The following POLN variants were observed in gnomAD, a reference collection of about 807,000 sequenced individuals.
POLN encodes DNA polymerase N.
In POLN, 108 loss-of-function variants were observed where a neutral mutation model predicts 113.5. The observed-to-expected ratio is 0.95, with a 90% CI of 0.81 to 1.12. The LOEUF (loss-of-function observed/expected upper bound fraction) is 1.12. Ranked by LOEUF, POLN falls within the 50% of genes most tolerant of loss-of-function variation. POLN has a pLI of 0.00. For synonymous variants in POLN, 386 were observed against 391.5 expected, an observed-to-expected ratio of 0.99 and a Z score of 0.17; for missense variants, 1,097 against 1,077.1, an observed-to-expected ratio of 1.02 and a Z score of -0.26.
intron 16 of POLN, among the ~76,000 whole-genome samples, chr4:2,155,952 A>G (rs1732412355): frequency 6.6e-6 from 1 of 151,844 alleles, no homozygotes; most frequent in East Asian, 1.9e-4. Flanking sequence ...TTCCTGCCTC[A>G]GCCTCCCTAG....
intron 3 of POLN, among the ~76,000 whole-genome samples, chr4:2,221,179 C>T (rs889913148): frequency 7.9e-5 from 12 of 151,830 alleles, no homozygotes; most frequent in Non-Finnish European, 1.5e-4. Context: ...ACTCTGTTAC[C>T]CAGGCTGGAG....
chr4:2,077,174 G>A (rs1730296520), intron 23 of POLN: 1 of 152,242 alleles, frequency 6.6e-6, no homozygotes, highest in East Asian at 1.9e-4. Context: ...GTGAGGGCTG[G>A]AGCAGCCACC....
At chr4:2,173,916 A>C in intron 11 of POLN, 39 bp downstream of exon 11, 1 of 1,567,418 alleles carries the variant, frequency 6.4e-7, no homozygotes, top group Non-Finnish European at 8.8e-7. Flanking sequence ...CATGCAGGAA[A>C]GAGATGGCCA....
rs1730531581 is a variant in POLN, at chr4:2,085,669, T to C, written c.2141A>G (p.Lys714Arg). ...GGCGAAGTCCTTGATTTTCTTGTAC[T>C]TCTGCAAAAAACTCTCCAAAAACTG... ...AAQFLESFLQ[K>R]YKKIKDFARA... The change falls in exon 21 of 26, where the codon AAG (lysine) becomes AGG (arginine). Residue 714 changes from lysine to arginine, a missense_variant. Coordinates refer to ENST00000511885, the MANE Select transcript of POLN (RefSeq NM_181808.4). 1 of 1,614,150 alleles carries C rather than the reference T, an allele frequency of 6.2e-7. No individual in the cohort carries two copies.
intron 21 of POLN, among the ~76,000 whole-genome samples, chr4:2,084,808 G>C (rs770064228): frequency 3.4e-4 from 51 of 152,236 alleles, no homozygotes; most frequent in Non-Finnish European, 7.1e-4. Context: ...CCCAGTGAGT[G>C]CTGAGTGCTG....
chr4:2,132,911 A>G (rs941816031), intron 16 of POLN, among the ~76,000 whole-genome samples: 4 of 152,214 alleles, frequency 2.6e-5, no homozygotes, highest in Non-Finnish European at 5.9e-5. Flanking sequence ...AGCAACAGAA[A>G]TGGTCAGTAT....
chr4:2,110,309 C>T (rs1231779941), intron 19 of POLN, among the ~76,000 whole-genome samples: 2 of 152,016 alleles, frequency 1.3e-5, no homozygotes, highest in Non-Finnish European at 2.9e-5. Flanking sequence ...AACTGACACC[C>T]TAACATCACA....
chr4:2,080,179 C>T lies in POLN; in HGVS notation c.2387+779G>A, dbSNP rs546752331. On this transcript the variant is annotated intron_variant, in intron 23 of 25. Transcript: ENST00000511885. Reference sequence around the variant, plus strand: ...CTGAGGGGATCCCGCACAAGGAGAACGAGGAGAGGAGGTGTCTGGGTCACC... The same window carrying T: ...CTGAGGGGATCCCGCACAAGGAGAATGAGGAGAGGAGGTGTCTGGGTCACC... The T allele has an allele frequency of 4.8e-5, 47 of 986,392 alleles. No homozygotes were observed. The South Asian group carries it at 6.1e-4, about 13-fold the overall frequency. 61.1% of individuals were successfully genotyped at this position (986,392 alleles called of 1,614,324 possible). A position where few individuals can be genotyped will look rare whatever the true frequency, so the allele number is the denominator to read the frequency against.
At chr4:2,174,877 C>T (rs1278636155) in intron 9 of POLN, 126 bp from the exon 10 acceptor site, 1 of 648,038 alleles carries the variant, frequency 1.5e-6, no homozygotes, top group Non-Finnish European at 2.6e-6. Flanking sequence ...GGTTGGAGTG[C>T]AGTGGCGTGA....
chr4:2,123,608 G>C (rs1040024970), intron 19 of POLN, among the ~76,000 whole-genome samples: 1 of 146,092 alleles, frequency 6.8e-6, no homozygotes, highest in Admixed American at 6.8e-5. Context: ...CTGGGCGACA[G>C]GGTGAGACCC....
At chr4:2,212,171 G>T (rs1734009717) in intron 4 of POLN, among the ~76,000 whole-genome samples, 1 of 152,126 alleles carries the variant, frequency 6.6e-6, no homozygotes, top group African/African-American at 2.4e-5. Flanking sequence ...CCACTATGTT[G>T]CCTGCACCAC....
chr4:2,176,834 CAA>C (rs945167164), intron 8 of POLN, among the ~76,000 whole-genome samples: 6 of 152,124 alleles, frequency 3.9e-5, no homozygotes, highest in African/African-American at 1.4e-4. Flanking sequence ...GTTCAGCTGA[CAA>C]AGAGGGAGAT....
Position 2,196,223 on chromosome 4 carries a change from A to G in POLN, c.908+2301T>C, listed in dbSNP as rs114896276. Among the ~76,000 whole-genome samples the G allele has an allele frequency of 2.4e-3, 367 of 152,322 alleles. 1 individual carries two copies. Among genetic ancestry groups the G allele is most frequent in the African/African-American group, 8.4e-3 (348 of 41,588 alleles). On this transcript the variant is annotated intron_variant, in intron 6 of 25. Coordinates refer to ENST00000511885, the MANE Select transcript of POLN (RefSeq NM_181808.4). ...AAATTAGTTATTTATCTGAAACTCA[A>G]ATTTAGTGTCCTATATTTTAATTTG...
At chr4:2,087,887 C>G (rs1730585888) in intron 20 of POLN, among the ~76,000 whole-genome samples, 1 of 151,998 alleles carries the variant, frequency 6.6e-6, no homozygotes, top group African/African-American at 2.4e-5. Context: ...GGCTGGAGGG[C>G]AATGGTATGA....
In POLN at chr4:2,176,761, C is replaced by T. The variant is rs182246125; in HGVS notation, c.1180-427G>A. On this transcript the variant is annotated intron_variant, in intron 8 of 25. Transcript: ENST00000511885. ...AGCTGCTGCCACGTTCCACACTTACCCCTCCATTCTCACCCCAGGAGATGC... is the reference window on the plus strand; with the variant it reads ...AGCTGCTGCCACGTTCCACACTTACTCCTCCATTCTCACCCCAGGAGATGC... Among the ~76,000 whole-genome samples, 12 of 152,216 alleles carry T rather than the reference C, an allele frequency of 7.9e-5. No individual in the cohort carries two copies. The East Asian group carries it at 2.3e-3, about 29-fold the overall frequency.
At chr4:2,128,561 G>A (rs957224115) in intron 18 of POLN, among the ~76,000 whole-genome samples, 2 of 152,214 alleles carry the variant, frequency 1.3e-5, no homozygotes, top group Admixed American at 6.5e-5. Context: ...CACCAAGATG[G>A]TCTCTGGGGA....
chr4:2,096,305 T>C (rs1458557713), intron 19 of POLN, among the ~76,000 whole-genome samples: 1 of 152,158 alleles, frequency 6.6e-6, no homozygotes, highest in Non-Finnish European at 1.5e-5. Flanking sequence ...GTGGGGGAGC[T>C]GGTTTCTAGG....
chr4:2,202,780 C>T (rs535996975), intron 5 of POLN, among the ~76,000 whole-genome samples: 50 of 149,878 alleles, frequency 3.3e-4, no homozygotes, highest in South Asian at 1.3e-3. Context: ...TAACAAAAGG[C>T]CTTGTCCAAC....
chr4:2,085,319 G>C (rs763973056), intron 21 of POLN, among the ~76,000 whole-genome samples: 3 of 152,196 alleles, frequency 2.0e-5, no homozygotes, highest in Non-Finnish European at 4.4e-5. Context: ...CTTTTCATAA[G>C]AATCCATGTT....
Sources: gnomAD v4.1 joint callset for allele counts (sites outside exome capture counted in the v4.1 genomes callset) on GRCh38, gnomAD v4.1.1 for gene constraint, MANE v1.5 for transcripts, NCBI Gene and HGNC (gene_info 2026-07-23, HGNC 2026-07-21) for gene names.